The following HHAT variants were observed in gnomAD, a reference collection of about 807,000 sequenced individuals.
HHAT encodes the protein protein-cysteine N-palmitoyltransferase HHAT.
In HHAT, 47 loss-of-function variants were observed where a neutral mutation model predicts 70.8. That is an observed-to-expected ratio of 0.66 (90% CI 0.53 to 0.85). The LOEUF (loss-of-function observed/expected upper bound fraction) is 0.85, where lower values mean the gene tolerates loss of function less well. Among genes scored for constraint, HHAT ranks in the 40% least tolerant of loss-of-function variants. The pLI is 0.00. For synonymous variants in HHAT, 228 were observed against 247.6 expected (o/e 0.92, Z 0.74); for missense variants, 609 against 604.8 (o/e 1.01, Z -0.07).
chr1:210,637,872 G>GC lies in HHAT; in HGVS notation c.1390+14202_1390+14203insC, dbSNP rs549123155. ...AGACTCCGTCTCAAAAAAAAAAAAA[G>GC]GGGGGGGCAAAGGACCTGAATAGAT... On this transcript the variant is annotated intron_variant, in intron 11 of 11. Coordinates refer to ENST00000261458, the MANE Select transcript of HHAT (RefSeq NM_018194.6). Among the ~76,000 whole-genome samples, 20 of 36,128 alleles carry GC rather than the reference G, an allele frequency of 5.5e-4. No homozygotes were observed. In the East Asian group the frequency reaches 0.021, roughly 38 times the overall value. The allele number at this position is 36,128 out of a possible 152,430, so 23.7% of individuals were successfully genotyped here.
intron 9 of HHAT, among the ~76,000 whole-genome samples, chr1:210,561,876 T>C (rs12136768): frequency 0.23 from 35,406 of 152,146 alleles, 4,409 homozygotes; most frequent in Middle Eastern, 0.33. Flanking sequence ...AGGTGGGGAC[T>C]GTGTCTCTGG....
intron 8 of HHAT, 26 bp from the exon 9 acceptor site, chr1:210,513,127 T>C: frequency 7.1e-7 from 1 of 1,413,412 alleles, no homozygotes; most frequent in Non-Finnish European, 9.9e-7. Context: ...TTTATTGATA[T>C]GCTTGTCTAT....
chr1:210,545,369 T>TCCTTCTCTC (rs1427705084), intron 9 of HHAT, among the ~76,000 whole-genome samples: 1 of 151,950 alleles, frequency 6.6e-6, no homozygotes, highest in Admixed American at 6.6e-5. Flanking sequence ...TAGAATGGTA[T>TCCTTCTCTC]CCTTCTCTCA....
intron 9 of HHAT, among the ~76,000 whole-genome samples, chr1:210,580,996 T>G (rs1659145777): frequency 6.6e-6 from 1 of 152,196 alleles, no homozygotes; most frequent in South Asian, 2.1e-4. Context: ...TATTGTTTCC[T>G]GACTTTTTAA....
rs74387887 is a variant in HHAT at position 210,392,509 on chromosome 1, G to A, written c.273+4928G>A. On this transcript the variant is annotated intron_variant, in intron 4 of 11. Coordinates refer to ENST00000261458, the MANE Select transcript of HHAT (RefSeq NM_018194.6). ...GTTTATATCTCTTCATGTACTGTGC[G>A]TATGTCTGTGCTTTATGCATAAGGA... Among the ~76,000 whole-genome samples, 1,453 of 152,110 alleles carry A rather than the reference G, an allele frequency of 9.6e-3. 12 individuals are homozygous for A. The highest frequency in any genetic ancestry group is 0.028 in the African/African-American group (1,152 of 41,476).
At chr1:210,364,634 C>G (rs1447657061) in intron 3 of HHAT, among the ~76,000 whole-genome samples, 1 of 152,210 alleles carries the variant, frequency 6.6e-6, no homozygotes, top group Non-Finnish European at 1.5e-5. Context: ...CAGGCTCAGC[C>G]CAGCCATGCG....
Position 210,348,918 on chromosome 1 carries a change from G to T in HHAT, c.-43-15G>T. The stretch of plus-strand genomic sequence containing the variant: ...TGTCATGTTCATGGCTTAAAGTTTT[G>T]TCTCTGTTTCTCAGAAACTCTCAGC... On this transcript the variant is annotated splice_polypyrimidine_tract_variant and intron_variant, in intron 1 of 11. Transcript: ENST00000261458. The T allele has an allele frequency of 1.3e-6, 2 of 1,598,106 alleles. No homozygotes were observed. The highest frequency in any genetic ancestry group is 8.5e-7 in the Non-Finnish European group (1 of 1,174,588).
At chr1:210,330,742 G>T (rs916403137) in intron 1 of HHAT, among the ~76,000 whole-genome samples, 2 of 152,196 alleles carry the variant, frequency 1.3e-5, no homozygotes, top group South Asian at 2.1e-4. Context: ...ACCAAGGACC[G>T]GTTTCATGGA....
At chr1:210,339,350 T>C (rs1296527107) in intron 1 of HHAT, among the ~76,000 whole-genome samples, 3 of 152,246 alleles carry the variant, frequency 2.0e-5, no homozygotes, top group Non-Finnish European at 4.4e-5. Flanking sequence ...ATTTATAATA[T>C]ACCTGGTGTG....
At chr1:210,618,728 T>G (rs1425094297) in intron 10 of HHAT, among the ~76,000 whole-genome samples, 1 of 152,190 alleles carries the variant, frequency 6.6e-6, no homozygotes, top group Non-Finnish European at 1.5e-5. Flanking sequence ...AGTTTTGTTT[T>G]GACCCACGTT....
At chr1:210,673,957 CT>C (rs1318957937) in intron 11 of HHAT, among the ~76,000 whole-genome samples, 20,157 of 141,468 alleles carry the variant, frequency 0.14, 3,517 homozygotes, top group African/African-American at 0.4. Flanking sequence ...TGCCCTATTT[CT>C]TTTTTTTTTT....
At chr1:210,353,082 C>T (rs2087208437) in intron 2 of HHAT, among the ~76,000 whole-genome samples, 1 of 151,970 alleles carries the variant, frequency 6.6e-6, no homozygotes, top group South Asian at 2.1e-4. Flanking sequence ...ACTACAGGTG[C>T]ATGCCACCAT....
At chr1:210,420,095 G>A (rs11119488) in intron 7 of HHAT, among the ~76,000 whole-genome samples, 3 of 151,976 alleles carry the variant, frequency 2.0e-5, no homozygotes, top group Admixed American at 6.6e-5. Context: ...GTTTGTACTC[G>A]TAATCCCATC....
chr1:210,331,250 G>A (rs182974043), intron 1 of HHAT, among the ~76,000 whole-genome samples: 3 of 119,568 alleles, frequency 2.5e-5, no homozygotes, highest in Admixed American at 1.5e-4. Context: ...AGTCCCATCT[G>A]GGGGGGTGTG....
At chr1:210,412,709 G>A (rs961845677) in intron 6 of HHAT, among the ~76,000 whole-genome samples, 3 of 152,226 alleles carry the variant, frequency 2.0e-5, no homozygotes, top group African/African-American at 7.2e-5. Flanking sequence ...TGGGGAGGGG[G>A]TTATGCCTCC....
intron 9 of HHAT, among the ~76,000 whole-genome samples, chr1:210,525,900 T>C (rs1461809595): frequency 1.3e-5 from 2 of 152,256 alleles, no homozygotes; most frequent in African/African-American, 4.8e-5. Context: ...GGTTATTTAC[T>C]TGACAGGCCA....
chr1:210,336,766 G>T (rs2085535513), intron 1 of HHAT, among the ~76,000 whole-genome samples: 1 of 148,202 alleles, frequency 6.7e-6, no homozygotes, highest in Non-Finnish European at 1.5e-5. Flanking sequence ...CTGGGTGACA[G>T]AGTGAGACCC....
At chr1:210,669,792 G>T (rs1679713864) in intron 11 of HHAT, among the ~76,000 whole-genome samples, 1 of 152,208 alleles carries the variant, frequency 6.6e-6, no homozygotes, top group African/African-American at 2.4e-5. Context: ...TCTTAAGAAG[G>T]ATATTTTCCT....
intron 11 of HHAT, among the ~76,000 whole-genome samples, chr1:210,639,660 G>A (rs1672606984): frequency 1.3e-5 from 2 of 152,226 alleles, no homozygotes; most frequent in Admixed American, 6.5e-5. Context: ...CAGTGGCGCA[G>A]TGCAGGTTTG....
Sources: gnomAD v4.1 joint callset for allele counts (sites outside exome capture counted in the v4.1 genomes callset) on GRCh38, gnomAD v4.1.1 for gene constraint, MANE v1.5 for transcripts, NCBI Gene and HGNC (gene_info 2026-07-23, HGNC 2026-07-21) for gene names.